FAM107B: variants seen among roughly 807,000 people sequenced by gnomAD.
FAM107B encodes the protein family with sequence similarity 107 member B.
FAM107B carries 21 observed loss-of-function variants against 31.5 expected under a neutral mutation model. The ratio of observed to expected loss-of-function variants is 0.67; its 90% CI spans 0.47 to 0.96. The LOEUF (loss-of-function observed/expected upper bound fraction) is 0.96, where lower values mean the gene tolerates loss of function less well. Ranked by LOEUF, FAM107B falls within the 40% of genes least tolerant of loss-of-function variation. The pLI, the probability that FAM107B is intolerant of heterozygous loss-of-function variation, is 0.00. For synonymous variants in FAM107B, 157 were observed against 141.5 expected, an observed-to-expected ratio of 1.11 and a Z score of -0.78; for missense variants, 452 against 377.1, an observed-to-expected ratio of 1.20 and a Z score of -1.64.
intron 1 of FAM107B, among the ~76,000 whole-genome samples, chr10:14,756,918 C>T (rs368345547): frequency 3.3e-5 from 5 of 152,182 alleles, no homozygotes; most frequent in African/African-American, 1.2e-4. Context: ...GAACAGAAAA[C>T]CAAATATCGT....
At chr10:14,682,832 T>C (rs1301300348) in intron 1 of FAM107B, among the ~76,000 whole-genome samples, 1 of 151,936 alleles carries the variant, frequency 6.6e-6, no homozygotes, top group Non-Finnish European at 1.5e-5. Flanking sequence ...ATGGCACATG[T>C]ATACCTATGT....
intron 1 of FAM107B, among the ~76,000 whole-genome samples, chr10:14,713,419 A>G (rs115024816): frequency 6.6e-6 from 1 of 152,324 alleles, no homozygotes; most frequent in African/African-American, 2.4e-5. Context: ...CAAGACATGG[A>G]GCAATCTGTG....
At chr10:14,525,281 T>C (rs1846102796) in intron 3 of FAM107B, among the ~76,000 whole-genome samples, 1 of 152,166 alleles carries the variant, frequency 6.6e-6, no homozygotes, top group South Asian at 2.1e-4. Flanking sequence ...TTTCAACCCC[T>C]TTATGACAGT....
At chr10:14,676,901 G>A (rs1024761411) in intron 1 of FAM107B, among the ~76,000 whole-genome samples, 2 of 152,158 alleles carry the variant, frequency 1.3e-5, no homozygotes, top group Non-Finnish European at 2.9e-5. Flanking sequence ...CAGCCACCCG[G>A]GTGATTGCTG....
intron 1 of FAM107B, among the ~76,000 whole-genome samples, chr10:14,736,749 A>G (rs2131566395): frequency 6.6e-6 from 1 of 152,328 alleles, no homozygotes; most frequent in South Asian, 2.1e-4. Context: ...TTTATGTCCA[A>G]TCACAAGCAA....
chr10:14,669,802 A>T (rs1004637139), intron 1 of FAM107B, among the ~76,000 whole-genome samples: 2 of 152,206 alleles, frequency 1.3e-5, no homozygotes, highest in Non-Finnish European at 2.9e-5. Context: ...GAATGAAGAG[A>T]GGTTGGTTAA....
At chr10:14,628,687 T>A (rs1853241338) in intron 2 of FAM107B, among the ~76,000 whole-genome samples, 1 of 152,198 alleles carries the variant, frequency 6.6e-6, no homozygotes, top group African/African-American at 2.4e-5. Flanking sequence ...TGTGTGTTAA[T>A]ATAGGGAATA....
intron 1 of FAM107B, among the ~76,000 whole-genome samples, chr10:14,676,001 T>TA (rs1333454484): frequency 2.0e-5 from 3 of 151,892 alleles, no homozygotes; most frequent in Non-Finnish European, 4.4e-5. Context: ...CTGCAAGTAA[T>TA]AAAAAAATTA....
chr10:14,718,707 TC>T (rs1284937304), intron 1 of FAM107B, among the ~76,000 whole-genome samples: 5 of 152,164 alleles, frequency 3.3e-5, no homozygotes, highest in African/African-American at 1.2e-4. Flanking sequence ...TCTCCACACT[TC>T]CAAAGAAGAA....
At chr10:14,527,159 A>T (rs1368018650) in intron 3 of FAM107B, among the ~76,000 whole-genome samples, 2 of 150,770 alleles carry the variant, frequency 1.3e-5, no homozygotes, top group Non-Finnish European at 3.0e-5. Flanking sequence ...TTTTTTAAAG[A>T]TCCCTTCAAT....
At chr10:14,534,736 G>A (rs570169036) in intron 2 of FAM107B, 4 of 152,332 alleles carry the variant, frequency 2.6e-5, no homozygotes, top group Admixed American at 2.6e-4. Context: ...TCTATGGGAT[G>A]TTCTTTGTTC....
chr10:14,657,602 T>C (rs920561297), intron 2 of FAM107B, among the ~76,000 whole-genome samples: 3 of 152,164 alleles, frequency 2.0e-5, no homozygotes, highest in African/African-American at 4.8e-5. Context: ...AGAACCTAGA[T>C]GGAAAACCAA....
rs138161074 is a variant in FAM107B at position 14,628,023 on chromosome 10, A to G, written c.469+39611T>C. On this transcript the variant is annotated intron_variant, in intron 2 of 4. Transcript: ENST00000181796. ...AGCCACAATTATTATAAAAAGGTCA[A>G]TACAGCAGTCTATTCGTGAGAATAG... is the stretch of plus-strand genomic sequence containing the variant. Among the ~76,000 whole-genome samples, 1,033 of 152,046 alleles carry G rather than the reference A, an allele frequency of 6.8e-3. 8 individuals are homozygous for G. The highest frequency in any genetic ancestry group is 0.012 in the Non-Finnish European group (785 of 67,976).
intron 1 of FAM107B, among the ~76,000 whole-genome samples, chr10:14,749,606 T>C (rs1267078866): frequency 6.6e-6 from 1 of 152,144 alleles, no homozygotes; most frequent in Non-Finnish European, 1.5e-5. Flanking sequence ...AAAGTTCACA[T>C]CCCAGCCACA....
chr10:14,637,219 G>T (rs1230618184), intron 2 of FAM107B, among the ~76,000 whole-genome samples: 1 of 152,066 alleles, frequency 6.6e-6, no homozygotes, highest in African/African-American at 2.4e-5. Context: ...TAGCACCCAG[G>T]CCTTTCCCTG....
intron 1 of FAM107B, among the ~76,000 whole-genome samples, chr10:14,715,794 C>T (rs1369558998): frequency 6.6e-6 from 1 of 152,194 alleles, no homozygotes; most frequent in African/African-American, 2.4e-5. Flanking sequence ...GCCTCCCAAC[C>T]TCCTGGTGGT....
At chr10:14,634,192 T>A (rs1052341149) in intron 2 of FAM107B, among the ~76,000 whole-genome samples, 1 of 151,914 alleles carries the variant, frequency 6.6e-6, no homozygotes, top group Non-Finnish European at 1.5e-5. Flanking sequence ...GTCAGGAGAT[T>A]GAGACCATCC....
chr10:14,603,121 T>C (rs71485522), intron 2 of FAM107B, among the ~76,000 whole-genome samples: 10,472 of 152,084 alleles, frequency 0.069, 491 homozygotes, highest in Middle Eastern at 0.11. Flanking sequence ...GTGGTTTTTT[T>C]CTATATATTT....
At chr10:14,756,954 A>C (rs1369700412) in intron 1 of FAM107B, among the ~76,000 whole-genome samples, 1 of 152,178 alleles carries the variant, frequency 6.6e-6, no homozygotes, top group Non-Finnish European at 1.5e-5. Flanking sequence ...AGTGGGAGCT[A>C]AATGATGAGA....
Sources: allele counts gnomAD v4.1 joint callset (sites outside exome capture counted in the v4.1 genomes callset), GRCh38; gene constraint gnomAD v4.1.1; transcripts MANE v1.5; gene names NCBI Gene and HGNC (gene_info 2026-07-23, HGNC 2026-07-21).